Variants in COL6A6 observed in about 807,000 individuals in gnomAD.
The protein encoded by COL6A6 is collagen type VI alpha 6 chain, also known as collagen alpha-6(VI) chain.
COL6A6 carries 183 observed loss-of-function variants against 208.6 expected under a neutral mutation model. The ratio of observed to expected loss-of-function variants is 0.88; its 90% CI spans 0.78 to 0.99. The LOEUF (loss-of-function observed/expected upper bound fraction) is 0.99. COL6A6 is among the 50% of genes least tolerant of loss of function. COL6A6 has a pLI of 0.00. For synonymous variants in COL6A6, 973 were observed against 1,011.8 expected (o/e 0.96, Z 0.73); for missense variants, 2,816 against 2,815.2 (o/e 1.00, Z -0.01).
intron 36 of COL6A6, among the ~76,000 whole-genome samples, chr3:130,673,301 C>T (rs1178109866): frequency 6.7e-6 from 1 of 149,266 alleles, no homozygotes; most frequent in East Asian, 2.0e-4. Flanking sequence ...TATTAATGTT[C>T]AACCTTTTGA....
intron 24 of COL6A6, among the ~76,000 whole-genome samples, chr3:130,623,980 C>T (rs2108283139): frequency 6.6e-6 from 1 of 151,920 alleles, no homozygotes; most frequent in Middle Eastern, 3.4e-3. Context: ...TATCTGGTGG[C>T]TAAGACATTC....
rs2065934207 is a variant in COL6A6, at chr3:130,661,659, T to C, written c.5853T>C (p.Ser1951=). 1 of 1,612,994 alleles carries C rather than the reference T, an allele frequency of 6.2e-7. No homozygotes were observed. Among genetic ancestry groups the C allele is most frequent in the South Asian group, 1.1e-5 (1 of 91,006 alleles). ...FCYDVCKPDA[S]CDQARPPPVQ... The stretch of plus-strand genomic sequence containing the variant: ...CAGATGTGTGCAAGCCAGATGCTTC[T>C]TGTGACCAAGCCAGACCACCCCCTG... The change falls in exon 35 of 37, where the codon TCT becomes TCC. Residue 1951 remains serine, a synonymous_variant. Transcript: ENST00000358511.
At chr3:130,650,359 A>C (rs2065600841) in intron 33 of COL6A6, among the ~76,000 whole-genome samples, 1 of 152,214 alleles carries the variant, frequency 6.6e-6, no homozygotes, top group African/African-American at 2.4e-5. Flanking sequence ...GCGGTGGCTC[A>C]CGCCTGTAAT....
At chr3:130,662,848 T>G (rs1418208679) in intron 35 of COL6A6, among the ~76,000 whole-genome samples, 2 of 152,210 alleles carry the variant, frequency 1.3e-5, no homozygotes, top group African/African-American at 4.8e-5. Flanking sequence ...TGTTAATGGC[T>G]CTTTTTATGA....
In COL6A6 at chr3:130,561,642, T is replaced by A. The variant is rs1406732707; in HGVS notation, c.64+1214T>A. Reference sequence around the variant, plus strand: ...TTTTCTAGTTGAATCTACTTTTTTTTTTTTTTTTTTTTTTTTTTTTTGAGA... The same window carrying A: ...TTTTCTAGTTGAATCTACTTTTTTTATTTTTTTTTTTTTTTTTTTTTGAGA... On this transcript the variant is annotated intron_variant, in intron 2 of 36. Transcript: ENST00000358511. 1.7e-3 allele frequency among the ~76,000 whole-genome samples: 179 copies of A among 105,362 alleles called. 2 individuals are homozygous for A. Among genetic ancestry groups the A allele is most frequent in the African/African-American group, 6.0e-3 (167 of 27,956 alleles). 69.1% of individuals were successfully genotyped at this position (105,362 alleles called of 152,430 possible).
chr3:130,660,808 T>A (rs1205378267), intron 34 of COL6A6, among the ~76,000 whole-genome samples: 1 of 152,242 alleles, frequency 6.6e-6, no homozygotes, highest in Non-Finnish European at 1.5e-5. Context: ...AAATACTGAC[T>A]TCCTATATAG....
At chr3:130,568,631 G>T in intron 6 of COL6A6, 27 bp downstream of exon 6, 1 of 1,533,956 alleles carries the variant, frequency 6.5e-7, no homozygotes, top group East Asian at 2.3e-5. Context: ...TCACTAGCAG[G>T]ACTATCCGAA....
chr3:130,536,922 A>G (rs556178999), intron 1 of COL6A6, among the ~76,000 whole-genome samples: 42 of 152,316 alleles, frequency 2.8e-4, no homozygotes, highest in African/African-American at 9.9e-4. Context: ...AGTGTCTTAG[A>G]TTAAGGTGGA....
chr3:130,600,847 A>C (rs1027022676), intron 20 of COL6A6, among the ~76,000 whole-genome samples: 23 of 152,306 alleles, frequency 1.5e-4, no homozygotes, highest in African/African-American at 5.5e-4. Flanking sequence ...CATGTTCTGC[A>C]CTTGTATCCT....
At chr3:130,664,905 C>A in intron 35 of COL6A6, 98 bp from the exon 36 acceptor site, 1 of 730,870 alleles carries the variant, frequency 1.4e-6, no homozygotes, top group Admixed American at 2.8e-5. Flanking sequence ...TTCTTGATGG[C>A]TATTTAAAAC....
At position 130,608,896 on chromosome 3, in the gene COL6A6, C is replaced by A. The variant is rs749100706; in HGVS notation, c.4690-6C>A. ...GTGTTAACAGATTGATTCTTTCTCG[C>A]CACAGGGAACAGCAGGCATCCCAGG... On this transcript the variant is annotated splice_region_variant and splice_polypyrimidine_tract_variant and intron_variant, in intron 21 of 36. Coordinates refer to ENST00000358511, the MANE Select transcript of COL6A6 (RefSeq NM_001102608.3). The A allele has an allele frequency of 1.1e-4, 170 of 1,609,918 alleles. No individual in the cohort carries two copies. The highest frequency in any genetic ancestry group is 1.6e-4 in the Middle Eastern group (1 of 6,062).
intron 10 of COL6A6, among the ~76,000 whole-genome samples, chr3:130,584,876 A>G (rs1276427020): frequency 5.3e-5 from 8 of 151,972 alleles, no homozygotes; most frequent in Non-Finnish European, 1.5e-5. Context: ...GGCCTCCCAG[A>G]GTGATGGGAT....
intron 1 of COL6A6, among the ~76,000 whole-genome samples, chr3:130,546,595 T>C (rs1315998345): frequency 6.6e-6 from 1 of 152,236 alleles, no homozygotes; most frequent in East Asian, 1.9e-4. Flanking sequence ...TACAGAGAGC[T>C]GATTGGTCCA....
At chr3:130,603,171 C>A (rs1307849631) in intron 20 of COL6A6, among the ~76,000 whole-genome samples, 2 of 152,240 alleles carry the variant, frequency 1.3e-5, no homozygotes, top group South Asian at 2.1e-4. Context: ...CTAAGACCAT[C>A]TTTCCTGTCA....
intron 36 of COL6A6, among the ~76,000 whole-genome samples, chr3:130,666,922 C>CAAAA (rs1018378649): frequency 2.0e-5 from 3 of 151,916 alleles, no homozygotes; most frequent in Non-Finnish European, 4.4e-5. Context: ...GACACCAAGA[C>CAAAA]AAAAGCAGCC....
In COL6A6 at chr3:130,593,124, A is replaced by G. The variant is rs1406279038; in HGVS notation, c.4416+19A>G. 6 of 1,613,046 alleles carry G rather than the reference A, an allele frequency of 3.7e-6. No homozygotes were observed. Among genetic ancestry groups the G allele is most frequent in the Middle Eastern group, 1.6e-4 (1 of 6,084 alleles). ...AGAACAGGTAGAGCCTTCTTGTACCATAGAGACCCTTCTGAGCTATTTACC... is the reference window on the plus strand; with the variant it reads ...AGAACAGGTAGAGCCTTCTTGTACCGTAGAGACCCTTCTGAGCTATTTACC... On this transcript the variant is annotated intron_variant, in intron 16 of 36. Coordinates refer to ENST00000358511, the MANE Select transcript of COL6A6 (RefSeq NM_001102608.3).
chr3:130,590,999 G>C, intron 12 of COL6A6, 42 bp from the exon 13 acceptor site: 1 of 1,460,734 alleles, frequency 6.8e-7, no homozygotes, highest in Non-Finnish European at 9.4e-7. Context: ...TCTGATTTTT[G>C]GTCCATAGAT....
chr3:130,651,755 T>G (rs1404886280), intron 33 of COL6A6, among the ~76,000 whole-genome samples: 1 of 152,244 alleles, frequency 6.6e-6, no homozygotes, highest in Non-Finnish European at 1.5e-5. Flanking sequence ...CCCTTGGTTT[T>G]GTTTAGTCAT....
At chr3:130,589,373 A>T (rs1437069158) in intron 12 of COL6A6, among the ~76,000 whole-genome samples, 191 bp downstream of exon 12, 1 of 152,172 alleles carries the variant, frequency 6.6e-6, no homozygotes, top group Non-Finnish European at 1.5e-5. Flanking sequence ...AGTCTTTTTT[A>T]AAAGTTTTTG....
Sources: allele counts gnomAD v4.1 joint callset (sites outside exome capture counted in the v4.1 genomes callset), GRCh38; gene constraint gnomAD v4.1.1; transcripts MANE v1.5; gene names NCBI Gene and HGNC (gene_info 2026-07-23, HGNC 2026-07-21).